CPED1: variants seen among roughly 807,000 people sequenced by gnomAD.
The protein encoded by CPED1 is cadherin like and PC-esterase domain containing 1.
Under a neutral mutation model 128.2 loss-of-function variants are expected in CPED1, and 114 were observed. That is an observed-to-expected ratio of 0.89 (90% CI 0.76 to 1.04). The LOEUF is 1.04. Among genes scored for constraint, CPED1 ranks in the 50% least tolerant of loss-of-function variants. CPED1 has a pLI of 0.00. For missense variants in CPED1, 1,211 were observed against 1,207.1 expected (o/e 1.00, Z -0.05); for synonymous variants, 462 against 426.7 (o/e 1.08, Z -1.02).
intron 16 of CPED1, among the ~76,000 whole-genome samples, chr7:121,226,339 G>A (rs190961402): frequency 5.3e-5 from 8 of 152,094 alleles, no homozygotes; most frequent in Admixed American, 2.6e-4. Flanking sequence ...GAAATCACCC[G>A]TTTTCTGCGT....
chr7:121,277,851 G>T (rs1405892609), intron 22 of CPED1, among the ~76,000 whole-genome samples: 1 of 152,136 alleles, frequency 6.6e-6, no homozygotes, highest in Non-Finnish European at 1.5e-5. Context: ...AGAAATAGGA[G>T]CATTTGAACT....
Position 121,086,757 on chromosome 7 carries a change from C to A in CPED1, c.617-10942C>A, listed in dbSNP as rs751449009. Among the ~76,000 whole-genome samples, 5 of 152,208 alleles carry A rather than the reference C, an allele frequency of 3.3e-5. No individual in the cohort carries two copies. In the South Asian group the frequency reaches 1.0e-3, roughly 32 times the overall value. On this transcript the variant is annotated intron_variant, in intron 5 of 22. Coordinates refer to ENST00000310396, the MANE Select transcript of CPED1 (RefSeq NM_024913.5). ...TGGTTTTGAAGCACAGTGCTGAAAA[C>A]CTGAATTGCAAATCATTTGATGGAT...
At chr7:121,001,548 C>G (rs1022989152) in intron 2 of CPED1, among the ~76,000 whole-genome samples, 1 of 152,000 alleles carries the variant, frequency 6.6e-6, no homozygotes, top group Non-Finnish European at 1.5e-5. Flanking sequence ...AATATTGCTC[C>G]GGGGTCATAA....
intron 22 of CPED1, 82 bp from the exon 23 acceptor site, chr7:121,295,358 C>A (rs112114473): frequency 6.8e-7 from 1 of 1,473,542 alleles, no homozygotes; most frequent in East Asian, 2.5e-5. Context: ...GGCAGAGATG[C>A]ATGTTCAAGT....
chr7:120,990,924 G>T (rs1308816166), intron 2 of CPED1, among the ~76,000 whole-genome samples: 1 of 152,198 alleles, frequency 6.6e-6, no homozygotes, highest in Admixed American at 6.5e-5. Flanking sequence ...TGCCCTGTGA[G>T]ACAGGTACAG....
intron 18 of CPED1, among the ~76,000 whole-genome samples, chr7:121,252,971 C>G (rs1798716590): frequency 6.6e-6 from 1 of 152,086 alleles, no homozygotes; most frequent in Non-Finnish European, 1.5e-5. Flanking sequence ...GGTATATACC[C>G]AGAGGATTAT....
chr7:121,220,830 C>T (rs2116620647), intron 16 of CPED1, among the ~76,000 whole-genome samples: 1 of 152,094 alleles, frequency 6.6e-6, no homozygotes, highest in East Asian at 1.9e-4. Flanking sequence ...CATTCCAGAA[C>T]TTACGTGTTC....
intron 18 of CPED1, chr7:121,261,586 C>T (rs372732418): frequency 1.1e-5 from 17 of 1,586,310 alleles, no homozygotes; most frequent in African/African-American, 9.4e-5. Flanking sequence ...CAGCTTCCAG[C>T]GCTGGCCCAT....
At chr7:121,080,190 A>G (rs1794248880) in intron 5 of CPED1, among the ~76,000 whole-genome samples, 1 of 151,790 alleles carries the variant, frequency 6.6e-6, no homozygotes, top group Admixed American at 6.6e-5. Flanking sequence ...TATCCTGTTC[A>G]CCTAGCCTGA....
chr7:121,135,622 T>C (rs1033791260), intron 13 of CPED1, among the ~76,000 whole-genome samples: 4 of 152,096 alleles, frequency 2.6e-5, no homozygotes, highest in African/African-American at 9.6e-5. Flanking sequence ...CATTCATTTG[T>C]TTCATAAATA....
At chr7:121,182,252 A>G (rs1307441500) in intron 16 of CPED1, among the ~76,000 whole-genome samples, 1 of 150,496 alleles carries the variant, frequency 6.6e-6, no homozygotes, top group Middle Eastern at 3.2e-3. Flanking sequence ...AAAAAAATAC[A>G]TATAAAATTC....
intron 7 of CPED1, among the ~76,000 whole-genome samples, chr7:121,101,137 G>A (rs891592534): frequency 1.1e-4 from 16 of 151,802 alleles, no homozygotes; most frequent in African/African-American, 2.7e-4. Context: ...TCCCAACCTT[G>A]CCTTCTCAAG....
At chr7:121,253,291 A>G (rs1798728727) in intron 18 of CPED1, among the ~76,000 whole-genome samples, 1 of 123,770 alleles carries the variant, frequency 8.1e-6, no homozygotes, top group Non-Finnish European at 1.6e-5. Context: ...GAAGGGGAAC[A>G]TCACACACCG....
chr7:121,034,168 G>T (rs867248142), intron 3 of CPED1, among the ~76,000 whole-genome samples: 3 of 150,934 alleles, frequency 2.0e-5, no homozygotes, highest in Non-Finnish European at 1.5e-5. Flanking sequence ...AGTAATAAAA[G>T]AAGCCAAGAT....
intron 22 of CPED1, among the ~76,000 whole-genome samples, chr7:121,285,194 G>A (rs1473963568): frequency 2.0e-5 from 3 of 152,152 alleles, no homozygotes; most frequent in Admixed American, 6.5e-5. Flanking sequence ...GCCTCTTTTG[G>A]CCACAGCTGG....
intron 3 of CPED1, among the ~76,000 whole-genome samples, chr7:121,022,025 C>A (rs927848719): frequency 1.3e-5 from 2 of 151,834 alleles, no homozygotes; most frequent in African/African-American, 2.4e-5. Context: ...ACATACTCTC[C>A]TGGATTATTC....
chr7:121,199,707 A>G (rs1797351550), intron 16 of CPED1, among the ~76,000 whole-genome samples: 1 of 150,390 alleles, frequency 6.6e-6, no homozygotes, highest in Non-Finnish European at 1.5e-5. Context: ...AAAAGAAAGA[A>G]AGAAAGAAAG....
chr7:121,038,950 T>C (rs545289297), intron 3 of CPED1, among the ~76,000 whole-genome samples: 5 of 152,112 alleles, frequency 3.3e-5, no homozygotes, highest in Non-Finnish European at 7.4e-5. Context: ...TCTGTTCACG[T>C]TAACCTGATT....
chr7:121,104,878 T>C (rs943711112), intron 7 of CPED1, among the ~76,000 whole-genome samples: 1 of 152,130 alleles, frequency 6.6e-6, no homozygotes, highest in Non-Finnish European at 1.5e-5. Context: ...ATATACATGA[T>C]ATAGGTAAAT....
Sources: gnomAD v4.1 joint callset for allele counts (sites outside exome capture counted in the v4.1 genomes callset) on GRCh38, gnomAD v4.1.1 for gene constraint, MANE v1.5 for transcripts, NCBI Gene and HGNC (gene_info 2026-07-23, HGNC 2026-07-21) for gene names.